C10orf90: variants seen among roughly 807,000 people sequenced by gnomAD.
The protein encoded by C10orf90 is (E2-independent) E3 ubiquitin-conjugating enzyme FATS.
A neutral mutation model predicts 62.5 loss-of-function variants in C10orf90; 56 were observed. The observed-to-expected ratio is 0.90, with a 90% CI of 0.72 to 1.12. The LOEUF is 1.12. Among genes scored for constraint, C10orf90 ranks in the 50% most tolerant of loss-of-function variants. The pLI is 0.00. For missense variants in C10orf90, 970 were observed against 880.4 expected, an observed-to-expected ratio of 1.10 and a Z score of -1.29; for synonymous variants, 386 against 340.4, an observed-to-expected ratio of 1.13 and a Z score of -1.47.
chr10:126,459,145 C>G lies in C10orf90; in HGVS notation c.2083G>C (p.Val695Leu), dbSNP rs777878814. The change falls in exon 7 of 10, where the codon GTC (valine) becomes CTC (leucine). Residue 695 changes from valine to leucine, a missense_variant. Physicochemically the swap from Val to Leu is conservative, Grantham distance 32. Transcript: ENST00000488181. Reference protein sequence around the residue: ...QERLKKLEHMVQQRKAQRKED... With the variant: ...QERLKKLEHMLQQRKAQRKED... ...TTCCGCTGGGCTTTCCTCTGCTGGA[C>G]CATGTGTTCAAGCTTCTTCAGCCGT... 2 of 1,614,204 alleles carry G rather than the reference C, an allele frequency of 1.2e-6. No homozygotes were observed. Among genetic ancestry groups the G allele is most frequent in the Admixed American group, 3.3e-5 (2 of 60,018 alleles).
At chr10:126,527,871 A>C (rs1156557218) in intron 2 of C10orf90, among the ~76,000 whole-genome samples, 1 of 152,226 alleles carries the variant, frequency 6.6e-6, no homozygotes, top group African/African-American at 2.4e-5. Flanking sequence ...CAGGTATCAA[A>C]GTCACGGCAT....
intron 2 of C10orf90, among the ~76,000 whole-genome samples, chr10:126,550,663 C>T (rs900400349): frequency 6.6e-6 from 1 of 152,042 alleles, no homozygotes; most frequent in Admixed American, 6.5e-5. Context: ...GTGTGTGCCA[C>T]CACGCCCAGC....
intron 1 of C10orf90, among the ~76,000 whole-genome samples, chr10:126,662,383 G>A (rs945583577): frequency 6.6e-6 from 1 of 152,036 alleles, no homozygotes; most frequent in Non-Finnish European, 1.5e-5. Flanking sequence ...TTCTTTCCTT[G>A]CCAGTTTTCT....
intron 4 of C10orf90, among the ~76,000 whole-genome samples, chr10:126,479,968 T>G (rs1262773763): frequency 6.6e-6 from 1 of 152,258 alleles, no homozygotes; most frequent in Admixed American, 6.5e-5. Context: ...AATGCTCTTT[T>G]TATCCCTTGA....
rs189178599 is a variant in C10orf90, at chr10:126,610,732, T to C, written c.313+35833A>G. ...CACTTTAGAATGGAAATTAATTGCC[T>C]CCCTTAGTCATTATTTTTATCTATA... On this transcript the variant is annotated intron_variant, in intron 2 of 9. Transcript: ENST00000488181. 2.5e-3 allele frequency among the ~76,000 whole-genome samples: 387 copies of C among 152,314 alleles called. 2 individuals carry two copies. Among genetic ancestry groups the C allele is most frequent in the Middle Eastern group, 6.8e-3 (2 of 294 alleles).
intron 2 of C10orf90, among the ~76,000 whole-genome samples, chr10:126,552,671 TG>T (rs1486380545): frequency 6.6e-6 from 1 of 152,212 alleles, no homozygotes; most frequent in Admixed American, 6.5e-5. Flanking sequence ...CTTTGCCACG[TG>T]ATTTACCCAG....
chr10:126,494,572 G>T (rs2133850011), intron 4 of C10orf90, among the ~76,000 whole-genome samples: 1 of 152,316 alleles, frequency 6.6e-6, no homozygotes, highest in South Asian at 2.1e-4. Flanking sequence ...ATGAGACACA[G>T]GCTCAGTGCA....
intron 7 of C10orf90, among the ~76,000 whole-genome samples, chr10:126,444,852 C>T (rs1388448470): frequency 6.6e-6 from 1 of 151,972 alleles, no homozygotes; most frequent in Non-Finnish European, 1.5e-5. Context: ...GAATAGAGAA[C>T]CCAAAAATAA....
chr10:126,658,814 C>T (rs751622429), intron 1 of C10orf90, among the ~76,000 whole-genome samples: 19 of 152,116 alleles, frequency 1.2e-4, no homozygotes, highest in Non-Finnish European at 1.9e-4. Flanking sequence ...CCAGGCTAGT[C>T]TTGAATGGGC....
At chr10:126,591,810 G>A (rs1427772432) in intron 2 of C10orf90, among the ~76,000 whole-genome samples, 2 of 152,052 alleles carry the variant, frequency 1.3e-5, no homozygotes. Flanking sequence ...CATCATATCA[G>A]CCCAAAAGCC....
chr10:126,529,937 C>T (rs1221918860), intron 2 of C10orf90, among the ~76,000 whole-genome samples: 1 of 152,144 alleles, frequency 6.6e-6, no homozygotes, highest in Non-Finnish European at 1.5e-5. Context: ...TAATTATACT[C>T]TAAGATGTCA....
At chr10:126,557,346 TGGC>T (rs964891858) in intron 2 of C10orf90, among the ~76,000 whole-genome samples, 5 of 151,780 alleles carry the variant, frequency 3.3e-5, no homozygotes, top group African/African-American at 1.2e-4. Context: ...CTGGGTGTGG[TGGC>T]GGCGCCTGTA....
intron 4 of C10orf90, among the ~76,000 whole-genome samples, chr10:126,467,348 C>A (rs939370859): frequency 6.6e-6 from 1 of 152,194 alleles, no homozygotes; most frequent in African/African-American, 2.4e-5. Context: ...AACGTACAAT[C>A]GTCAGCTGTG....
At chr10:126,628,622 T>C (rs1356293876) in intron 2 of C10orf90, among the ~76,000 whole-genome samples, 4 of 152,338 alleles carry the variant, frequency 2.6e-5, no homozygotes, top group African/African-American at 9.6e-5. Context: ...GCAAGTTCTA[T>C]TGGCTCTGCC....
chr10:126,628,863 ACAGAGGGG>A (rs1845798839), intron 2 of C10orf90, among the ~76,000 whole-genome samples: 2 of 152,176 alleles, frequency 1.3e-5, no homozygotes, highest in African/African-American at 4.8e-5. Flanking sequence ...CCCAGCCACT[ACAGAGGGG>A]CAGGGGCTGG....
intron 2 of C10orf90, among the ~76,000 whole-genome samples, chr10:126,630,695 A>G (rs777693291): frequency 4.7e-4 from 72 of 152,168 alleles, no homozygotes; most frequent in Non-Finnish European, 4.9e-4. Context: ...CCAGGTTTAG[A>G]GAGGTTATTT....
rs758286679 is a variant in C10orf90, at chr10:126,504,471, C to T, written c.1020G>A (p.Lys340=). 14 of 1,614,224 alleles carry T rather than the reference C, an allele frequency of 8.7e-6. No homozygotes were observed. The highest frequency in any genetic ancestry group is 1.6e-4 in the Middle Eastern group (1 of 6,062). ...CACAGGAACTGAACACCAGCGGGCTCTTTCCTGACAGTGGGGTGTCTGGAG... is the reference window on the plus strand; with the variant it reads ...CACAGGAACTGAACACCAGCGGGCTTTTTCCTGACAGTGGGGTGTCTGGAG... ...SFSPDTPLSG[K]SPLVFSSCVH... is the part of the protein sequence containing the mutation. Residue 340 remains lysine, a synonymous_variant, in exon 4 of 10, where the codon AAG becomes AAA. Transcript: ENST00000488181. The surrounding 1 kb of genome is among the most constrained non-coding windows in gnomAD (Gnocchi z 4.1).
chr10:126,658,296 A>G (rs879593111), intron 1 of C10orf90, among the ~76,000 whole-genome samples: 2 of 152,226 alleles, frequency 1.3e-5, no homozygotes, highest in Non-Finnish European at 2.9e-5. Context: ...CTTATGCTGA[A>G]GTGATGACAC....
chr10:126,548,191 G>A (rs1396463068), intron 2 of C10orf90, among the ~76,000 whole-genome samples: 3 of 152,094 alleles, frequency 2.0e-5, no homozygotes. Context: ...TAGACAAGAT[G>A]CTTTAAAAAT....
Sources: allele counts gnomAD v4.1 joint callset (sites outside exome capture counted in the v4.1 genomes callset), GRCh38; gene constraint gnomAD v4.1.1; non-coding constraint Gnocchi (gnomAD v3.1); transcripts MANE v1.5; gene names NCBI Gene and HGNC (gene_info 2026-07-23, HGNC 2026-07-21).